The following LYG2 variants were observed in gnomAD, a reference collection of about 807,000 sequenced individuals.
LYG2 encodes lysozyme g-like protein 2.
A neutral mutation model predicts 22.4 loss-of-function variants in LYG2; 25 were observed. The observed-to-expected ratio is 1.12, with a 90% CI of 0.81 to 1.56. The LOEUF is 1.56. Among genes scored for constraint, LYG2 ranks in the 40% most tolerant of loss-of-function variants. The pLI is 0.00. For missense variants in LYG2, 266 were observed against 269.5 expected (o/e 0.99, Z 0.09); for synonymous variants, 88 against 97.0 (o/e 0.91, Z 0.55).
chr2:99,242,765 T>C (rs2094008743), intron 6 of LYG2, among the ~76,000 whole-genome samples: 1 of 152,212 alleles, frequency 6.6e-6, no homozygotes. Flanking sequence ...AGACTCCCAG[T>C]ACATCCTCTG....
chr2:99,245,134 T>G, intron 5 of LYG2, 128 bp downstream of exon 5: 1 of 996,176 alleles, frequency 1.0e-6, no homozygotes. Flanking sequence ...AAAATTATGC[T>G]GGAGTACCTG....
At chr2:99,247,525 T>C (rs1163489533) in intron 3 of LYG2, among the ~76,000 whole-genome samples, 1 of 152,144 alleles carries the variant, frequency 6.6e-6, no homozygotes, top group African/African-American at 2.4e-5. Context: ...GGCCTTCTAT[T>C]GATCCTTCAC....
chr2:99,258,058 G>A (rs561870807), upstream of LYG2, among the ~76,000 whole-genome samples: 19 of 152,204 alleles, frequency 1.2e-4, no homozygotes, highest in South Asian at 1.0e-3. Context: ...TGGTCCCCTC[G>A]CCCTCTGCGT....
upstream of LYG2, among the ~76,000 whole-genome samples, chr2:99,256,208 C>G (rs1286066068): frequency 6.6e-6 from 1 of 152,220 alleles, no homozygotes; most frequent in Admixed American, 6.5e-5. Context: ...GAGGTCTGCA[C>G]AGTCCACTGG....
At chr2:99,249,897 G>A (rs2105273267) in intron 3 of LYG2, among the ~76,000 whole-genome samples, 1 of 151,626 alleles carries the variant, frequency 6.6e-6, no homozygotes, top group Admixed American at 6.6e-5. Context: ...CACTCTTGCA[G>A]CCCATCCTCT....
intron 3 of LYG2, among the ~76,000 whole-genome samples, chr2:99,250,272 A>G (rs2094023713): frequency 6.6e-6 from 1 of 152,156 alleles, no homozygotes; most frequent in Non-Finnish European, 1.5e-5. Flanking sequence ...GTTTATAGAC[A>G]AAAAAAGAAA....
intron 5 of LYG2, 142 bp downstream of exon 5, chr2:99,245,120 A>G (rs1413748435): frequency 1.0e-6 from 1 of 968,902 alleles, no homozygotes; most frequent in Non-Finnish European, 1.4e-6. Context: ...TCAAAAAAAA[A>G]AAAAAAATTA....
At chr2:99,246,898 C>G in intron 3 of LYG2, 78 bp from the exon 4 acceptor site, 1 of 1,428,566 alleles carries the variant, frequency 7.0e-7, no homozygotes, top group Non-Finnish European at 9.6e-7. Flanking sequence ...ATCACTAAAC[C>G]AAAGGCAGAA....
rs910157662 is a variant in LYG2 at position 99,245,864 on chromosome 2, T to C, written c.185-406A>G. 2.6e-5 allele frequency among the ~76,000 whole-genome samples: 4 copies of C among 152,066 alleles called. No individual in the cohort carries two copies. The South Asian group carries it at 8.3e-4, about 32-fold the overall frequency. ...TGCTCATGCCTGTAATCCCAGCACT[T>C]TGGGAGGCCGAGGTGGACAGATCAC... is the stretch of plus-strand genomic sequence containing the variant. On this transcript the variant is annotated intron_variant, in intron 4 of 6. Transcript: ENST00000333017.
In LYG2 at chr2:99,246,609, G is replaced by A. The variant is rs184162617; in HGVS notation, c.184+71C>T. The A allele has an allele frequency of 5.2e-6, 8 of 1,542,570 alleles. No individual in the cohort carries two copies. The East Asian group carries it at 1.6e-4, about 30-fold the overall frequency. Reference sequence around the variant, plus strand: ...GATGATTATACCTTTTCAAAATTAAGTGACTTCCTAAGAAAGAATCTGAAA... The same window carrying A: ...GATGATTATACCTTTTCAAAATTAAATGACTTCCTAAGAAAGAATCTGAAA... On this transcript the variant is annotated intron_variant, in intron 4 of 6. Coordinates refer to ENST00000333017, the MANE Select transcript of LYG2 (RefSeq NM_175735.4).
At chr2:99,255,582 A>C (rs988380164) in intron 1 of LYG2, among the ~76,000 whole-genome samples, 21 bp downstream of exon 1, 4 of 152,314 alleles carry the variant, frequency 2.6e-5, no homozygotes, top group Admixed American at 2.6e-4. Context: ...AGCAATTTTT[A>C]TTCTTGGATT....
chr2:99,247,002 G>T (rs1236184362), intron 3 of LYG2, among the ~76,000 whole-genome samples, 182 bp from the exon 4 acceptor site: 1 of 152,120 alleles, frequency 6.6e-6, no homozygotes, highest in African/African-American at 2.4e-5. Context: ...CTTTTGTTTT[G>T]TTTTGTATTA....
chr2:99,245,626 A>G (rs2094014718), intron 4 of LYG2, among the ~76,000 whole-genome samples, 168 bp from the exon 5 acceptor site: 1 of 151,610 alleles, frequency 6.6e-6, no homozygotes. Context: ...AAAAAAAAAA[A>G]AAAGAATTTA....
Position 99,249,426 on chromosome 2 carries a change from C to CAAA in LYG2, c.44-2609_44-2607dup, listed in dbSNP as rs74617660. Among the ~76,000 whole-genome samples, 423 of 92,618 alleles carry CAAA rather than the reference C, an allele frequency of 4.6e-3. 2 individuals are homozygous for CAAA. The highest frequency in any genetic ancestry group is 0.017 in the African/African-American group (409 of 24,566). 60.8% of individuals were successfully genotyped at this position (92,618 alleles called of 152,430 possible). On this transcript the variant is annotated intron_variant, in intron 3 of 6. Coordinates refer to ENST00000333017, the MANE Select transcript of LYG2 (RefSeq NM_175735.4). ...CAGAACAAGACCCTGTCTCAAATCT[C>CAAA]AAAAAAAAAAAAAAGGATTTTGTTA...
rs1029247443 is a variant in LYG2, at chr2:99,243,361, G to A, written c.520+638C>T. The A allele has an allele frequency of 6.9e-6, 10 of 1,448,922 alleles. No individual in the cohort carries two copies. The African/African-American group carries it at 1.4e-4, about 20-fold the overall frequency. The allele number at this position is 1,448,922 out of a possible 1,614,324, so 89.8% of individuals were successfully genotyped here. On this transcript the variant is annotated intron_variant, in intron 6 of 6. Transcript: ENST00000333017. ...CTTGAGGGGGCCTGTGGTCAGCCAA[G>A]CAGAGATTTCCACTTGGATATATAG... is the stretch of plus-strand genomic sequence containing the variant.
At chr2:99,258,876 G>C (rs946475715), upstream of LYG2, among the ~76,000 whole-genome samples, 1 of 152,102 alleles carries the variant, frequency 6.6e-6, no homozygotes, top group Non-Finnish European at 1.5e-5. Flanking sequence ...TTGCATTATT[G>C]GTCTTCCAAT....
upstream of LYG2, among the ~76,000 whole-genome samples, chr2:99,255,783 T>G (rs866036317): frequency 6.6e-6 from 1 of 152,166 alleles, no homozygotes. Flanking sequence ...AGGAGATCAA[T>G]GCAAAACCAG....
At chr2:99,245,209 G>A in intron 5 of LYG2, 53 bp downstream of exon 5, 1 of 1,482,356 alleles carries the variant, frequency 6.7e-7, no homozygotes, top group Non-Finnish European at 9.0e-7. Context: ...TTCAGGTTGA[G>A]CTTCTGTGAG....
chr2:99,254,463 A>G (rs529640946), intron 2 of LYG2, among the ~76,000 whole-genome samples, 178 bp from the exon 3 acceptor site: 2 of 152,284 alleles, frequency 1.3e-5, no homozygotes, highest in Non-Finnish European at 2.9e-5. Flanking sequence ...TCTCTTTCTT[A>G]AGCATAAACT....
Sources: gnomAD v4.1 joint callset for allele counts (sites outside exome capture counted in the v4.1 genomes callset) on GRCh38, gnomAD v4.1.1 for gene constraint, MANE v1.5 for transcripts, NCBI Gene and HGNC (gene_info 2026-07-23, HGNC 2026-07-21) for gene names.